ST6GALNAC3: variants seen among roughly 807,000 people sequenced by gnomAD.
The protein encoded by ST6GALNAC3 is ST6 N-acetylgalactosaminide alpha-2,6-sialyltransferase 3, also known as alpha-N-acetylgalactosaminide alpha-2,6-sialyltransferase 3.
In ST6GALNAC3, 25 loss-of-function variants were observed where a neutral mutation model predicts 32.7. The ratio of observed to expected loss-of-function variants is 0.76; its 90% CI spans 0.56 to 1.07. The LOEUF (loss-of-function observed/expected upper bound fraction) is 1.07. ST6GALNAC3 is among the 50% of genes least tolerant of loss of function. The probability of loss-of-function intolerance (pLI) is 0.00; values close to 1 mark genes in which losing one functional copy is unlikely to be tolerated. For missense variants in ST6GALNAC3, 355 were observed against 382.4 expected (o/e 0.93, Z 0.60); for synonymous variants, 129 against 133.1 (o/e 0.97, Z 0.21).
chr1:76,464,169 A>G (rs899069504), intron 3 of ST6GALNAC3, among the ~76,000 whole-genome samples: 3 of 152,122 alleles, frequency 2.0e-5, no homozygotes, highest in Non-Finnish European at 4.4e-5. Context: ...CTTTACTCTG[A>G]ACTTTTTCCT....
intron 1 of ST6GALNAC3, among the ~76,000 whole-genome samples, chr1:76,236,738 T>C (rs1656681988): frequency 6.6e-6 from 1 of 152,212 alleles, no homozygotes; most frequent in African/African-American, 2.4e-5. Flanking sequence ...TAAAAATTCA[T>C]ACCTCCTTAC....
chr1:76,119,098 AG>A (rs1363394763), intron 1 of ST6GALNAC3, among the ~76,000 whole-genome samples: 1 of 152,158 alleles, frequency 6.6e-6, no homozygotes, highest in African/African-American at 2.4e-5. Flanking sequence ...TGGGATTACC[AG>A]CGTGAGCCAC....
At chr1:76,606,832 C>A (rs1647582700) in intron 3 of ST6GALNAC3, among the ~76,000 whole-genome samples, 1 of 146,154 alleles carries the variant, frequency 6.8e-6, no homozygotes, top group Admixed American at 6.8e-5. Flanking sequence ...TACTTAACAA[C>A]AATTCTGGAC....
intron 1 of ST6GALNAC3, among the ~76,000 whole-genome samples, chr1:76,225,838 A>T (rs1003603079): frequency 6.6e-6 from 1 of 152,020 alleles, no homozygotes; most frequent in Non-Finnish European, 1.5e-5. Context: ...TTAAGAGCCC[A>T]TTTTTTTGCT....
rs181531818 is a variant in ST6GALNAC3, at chr1:76,621,329, T to G, written c.624-6123T>G. Among the ~76,000 whole-genome samples the G allele has an allele frequency of 2.4e-3, 365 of 152,210 alleles. 2 individuals are homozygous for G. Among genetic ancestry groups the G allele is most frequent in the Non-Finnish European group, 6.6e-4 (45 of 67,960 alleles). The stretch of plus-strand genomic sequence containing the variant: ...TTTTTTGTTATTTTTCAGGCCTGGA[T>G]TCCTTTCACTTGGTTCATTCTCTTA... On this transcript the variant is annotated intron_variant, in intron 3 of 4. Coordinates refer to ENST00000328299, the MANE Select transcript of ST6GALNAC3 (RefSeq NM_152996.4).
chr1:76,192,922 A>G (rs1160501050), intron 1 of ST6GALNAC3, among the ~76,000 whole-genome samples: 1 of 152,106 alleles, frequency 6.6e-6, no homozygotes, highest in Non-Finnish European at 1.5e-5. Context: ...TAATCCTTTT[A>G]TCTTCTGCTT....
At chr1:76,333,372 T>C (rs1647239530) in intron 2 of ST6GALNAC3, among the ~76,000 whole-genome samples, 1 of 152,198 alleles carries the variant, frequency 6.6e-6, no homozygotes, top group Non-Finnish European at 1.5e-5. Flanking sequence ...TCTTTTCAAC[T>C]AGTGAGGTCT....
chr1:76,497,885 G>A (rs1020054124), intron 3 of ST6GALNAC3, among the ~76,000 whole-genome samples: 4 of 152,164 alleles, frequency 2.6e-5, no homozygotes, highest in South Asian at 2.1e-4. Context: ...TGAAGAGGAT[G>A]AGCCTTTCTT....
chr1:76,202,357 A>T (rs574552083), intron 1 of ST6GALNAC3, among the ~76,000 whole-genome samples: 2 of 152,092 alleles, frequency 1.3e-5, no homozygotes, highest in Admixed American at 6.6e-5. Context: ...AATTCAACAC[A>T]AGTATTTATT....
chr1:76,265,870 T>C (rs1658498555), intron 1 of ST6GALNAC3, among the ~76,000 whole-genome samples: 1 of 152,196 alleles, frequency 6.6e-6, no homozygotes, highest in Admixed American at 6.5e-5. Context: ...AAGCTTCAGA[T>C]TCTTGTGCTC....
Position 76,344,513 on chromosome 1 carries a change from A to G in ST6GALNAC3, c.213+30514A>G, listed in dbSNP as rs531220035. Among the ~76,000 whole-genome samples the G allele has an allele frequency of 2.0e-5, 3 of 152,302 alleles. No individual in the cohort carries two copies. In the East Asian group the frequency reaches 5.8e-4, roughly 29 times the overall value. ...ATGTCTGTCTCCACCACTAGAATGT[A>G]AACTCTATAAGGAACTTGTTTCATC... On this transcript the variant is annotated intron_variant, in intron 2 of 4. Coordinates refer to ENST00000328299, the MANE Select transcript of ST6GALNAC3 (RefSeq NM_152996.4).
chr1:76,333,620 A>C (rs1316440850), intron 2 of ST6GALNAC3, among the ~76,000 whole-genome samples: 2 of 152,178 alleles, frequency 1.3e-5, no homozygotes, highest in Non-Finnish European at 2.9e-5. Flanking sequence ...CAATGAAAAA[A>C]TTATCTTTTG....
intron 3 of ST6GALNAC3, among the ~76,000 whole-genome samples, chr1:76,574,674 C>A (rs895328329): frequency 4.9e-4 from 75 of 152,150 alleles, no homozygotes; most frequent in African/African-American, 1.7e-3. Context: ...GCAGTTGAAG[C>A]CTGGGGATAT....
At chr1:76,188,560 C>T (rs950176988) in intron 1 of ST6GALNAC3, among the ~76,000 whole-genome samples, 2 of 152,058 alleles carry the variant, frequency 1.3e-5, no homozygotes, top group East Asian at 1.9e-4. Flanking sequence ...TAAAGTTGAC[C>T]CTTGAACAAT....
chr1:76,125,899 A>G (rs1359894279), intron 1 of ST6GALNAC3, among the ~76,000 whole-genome samples: 1 of 152,132 alleles, frequency 6.6e-6, no homozygotes, highest in Non-Finnish European at 1.5e-5. Context: ...TTTTATTCCC[A>G]GTTACTATGT....
chr1:76,183,200 G>A (rs1653301019), intron 1 of ST6GALNAC3, among the ~76,000 whole-genome samples: 1 of 152,108 alleles, frequency 6.6e-6, no homozygotes, highest in Non-Finnish European at 1.5e-5. Context: ...TCTGCTCTTT[G>A]TAGATTGACT....
chr1:76,486,128 A>G (rs1278615119), intron 3 of ST6GALNAC3, among the ~76,000 whole-genome samples: 3 of 152,218 alleles, frequency 2.0e-5, no homozygotes, highest in African/African-American at 7.2e-5. Flanking sequence ...TTTGCTAAGG[A>G]GTGCTTTACT....
At chr1:76,433,364 G>T (rs150085959) in intron 3 of ST6GALNAC3, among the ~76,000 whole-genome samples, 14 of 152,068 alleles carry the variant, frequency 9.2e-5, no homozygotes, top group African/African-American at 3.4e-4. Flanking sequence ...GCTCTGTAAC[G>T]TGAGTGTGCA....
At chr1:76,517,460 A>G (rs1158752370) in intron 3 of ST6GALNAC3, among the ~76,000 whole-genome samples, 3 of 151,696 alleles carry the variant, frequency 2.0e-5, no homozygotes, top group Non-Finnish European at 4.4e-5. Context: ...TCAATTTTTT[A>G]TAGATTTTAT....
Sources: gnomAD v4.1 joint callset for allele counts (sites outside exome capture counted in the v4.1 genomes callset) on GRCh38, gnomAD v4.1.1 for gene constraint, MANE v1.5 for transcripts, NCBI Gene and HGNC (gene_info 2026-07-23, HGNC 2026-07-21) for gene names.